RASSF8: variants seen among roughly 807,000 people sequenced by gnomAD.
The protein encoded by RASSF8 is ras association domain-containing protein 8.
A neutral mutation model predicts 48.5 loss-of-function variants in RASSF8; 22 were observed. That is an observed-to-expected ratio of 0.45 (90% CI 0.32 to 0.65). RASSF8 has a LOEUF of 0.65. Among genes scored for constraint, RASSF8 ranks in the 30% least tolerant of loss-of-function variants. The pLI, the probability that RASSF8 is intolerant of heterozygous loss-of-function variation, is 0.03. For synonymous variants in RASSF8, 127 were observed against 171.5 expected, an observed-to-expected ratio of 0.74 and a Z score of 2.03; for missense variants, 418 against 489.2, an observed-to-expected ratio of 0.85 and a Z score of 1.37.
chr12:26,048,182 T>G (rs1943413260), intron 2 of RASSF8, among the ~76,000 whole-genome samples: 1 of 152,192 alleles, frequency 6.6e-6, no homozygotes, highest in Non-Finnish European at 1.5e-5. Context: ...TTAAAAGCAC[T>G]CACTGTGCAC....
At chr12:25,983,031 T>C (rs1237251250) in intron 1 of RASSF8, among the ~76,000 whole-genome samples, 1 of 152,054 alleles carries the variant, frequency 6.6e-6, no homozygotes, top group Non-Finnish European at 1.5e-5. Flanking sequence ...CCTTGAAGAG[T>C]TTAAAAAGTT....
chr12:25,962,998 G>A lies in RASSF8; in HGVS notation c.-203+3850G>A, dbSNP rs137916694. On this transcript the variant is annotated intron_variant, in intron 1 of 5. Transcript: ENST00000689635. ...CATTAAAATAATTATTTTTTTATCA[G>A]CATAAGCTTACTGAAAGGAAAAAAA... 2.4e-4 allele frequency among the ~76,000 whole-genome samples: 36 copies of A among 151,874 alleles called. 1 individual carries two copies. The East Asian group carries it at 6.8e-3, about 29-fold the overall frequency.
chr12:25,962,222 CCAG>C (rs1941253593), intron 1 of RASSF8, among the ~76,000 whole-genome samples: 1 of 152,192 alleles, frequency 6.6e-6, no homozygotes, highest in African/African-American at 2.4e-5. Flanking sequence ...GGCCAGTTCT[CCAG>C]CAGACTAGCC....
At chr12:25,979,801 A>T (rs560058469) in intron 1 of RASSF8, among the ~76,000 whole-genome samples, 16 of 152,198 alleles carry the variant, frequency 1.1e-4, no homozygotes, top group African/African-American at 3.9e-4. Context: ...GGTGCTGTGT[A>T]AGTGTTGGGG....
chr12:25,991,227 A>G (rs770101839), intron 1 of RASSF8, among the ~76,000 whole-genome samples: 2 of 151,714 alleles, frequency 1.3e-5, no homozygotes, highest in Non-Finnish European at 2.9e-5. Context: ...TGGAAACTGG[A>G]ATTTATTTTG....
At chr12:25,985,062 G>A (rs998751877) in intron 1 of RASSF8, among the ~76,000 whole-genome samples, 1 of 152,062 alleles carries the variant, frequency 6.6e-6, no homozygotes, top group East Asian at 1.9e-4. Context: ...AGATTCACAC[G>A]CATTCTCATT....
chr12:26,076,209 C>T (rs1944070743), downstream of RASSF8, among the ~76,000 whole-genome samples: 1 of 152,030 alleles, frequency 6.6e-6, no homozygotes, highest in Non-Finnish European at 1.5e-5. Context: ...CTCTCCTGAA[C>T]ACACTCTACA....
At chr12:26,035,307 A>G (rs1943109685) in intron 2 of RASSF8, among the ~76,000 whole-genome samples, 1 of 151,104 alleles carries the variant, frequency 6.6e-6, no homozygotes, top group African/African-American at 2.4e-5. Flanking sequence ...TTCTTTAAAC[A>G]AAATGAAAGT....
At chr12:26,022,056 A>G (rs1942798916) in intron 2 of RASSF8, among the ~76,000 whole-genome samples, 1 of 152,196 alleles carries the variant, frequency 6.6e-6, no homozygotes, top group Non-Finnish European at 1.5e-5. Flanking sequence ...AACCTCAAAG[A>G]CTGGCCAAAG....
At chr12:26,058,799 C>G (rs1943673451) in intron 3 of RASSF8, among the ~76,000 whole-genome samples, 1 of 152,176 alleles carries the variant, frequency 6.6e-6, no homozygotes, top group Non-Finnish European at 1.5e-5. Flanking sequence ...AGGAAGAAAT[C>G]TTTTCTACAC....
At chr12:26,000,083 GAATA>G (rs1392463132) in intron 2 of RASSF8, among the ~76,000 whole-genome samples, 1 of 152,044 alleles carries the variant, frequency 6.6e-6, no homozygotes, top group African/African-American at 2.4e-5. Context: ...CATTTTTATA[GAATA>G]AATAAGAGCC....
At chr12:25,977,706 T>G (rs1352154120) in intron 1 of RASSF8, among the ~76,000 whole-genome samples, 1 of 151,906 alleles carries the variant, frequency 6.6e-6, no homozygotes, top group African/African-American at 2.4e-5. Context: ...TTTACAAGTA[T>G]ACTTTGATTT....
chr12:25,984,519 T>G (rs1024228521), intron 1 of RASSF8, among the ~76,000 whole-genome samples: 6 of 152,174 alleles, frequency 3.9e-5, no homozygotes, highest in Admixed American at 1.3e-4. Context: ...ATTTTTGCAT[T>G]TTTAGTAGAT....
At position 25,987,262 on chromosome 12, in the gene RASSF8, G is replaced by A. The variant is rs573532785; in HGVS notation, c.-202-7775G>A. Among the ~76,000 whole-genome samples the A allele has an allele frequency of 7.9e-5, 12 of 152,272 alleles. No individual in the cohort carries two copies. The South Asian group carries it at 1.2e-3, about 16-fold the overall frequency. ...GATTGAACTCTTGACATTTGGAGCC[G>A]TTGCTAGGCAGTGAGTGTTCATGAT... On this transcript the variant is annotated intron_variant, in intron 1 of 5. Coordinates refer to ENST00000689635, the MANE Select transcript of RASSF8 (RefSeq NM_001394098.1).
intron 2 of RASSF8, among the ~76,000 whole-genome samples, chr12:26,021,821 G>A (rs1049652353): frequency 5.3e-5 from 8 of 152,222 alleles, no homozygotes; most frequent in African/African-American, 1.9e-4. Context: ...TAAGAACAGA[G>A]AACTCCAAAA....
At chr12:26,006,382 A>C (rs1455846993) in intron 2 of RASSF8, among the ~76,000 whole-genome samples, 2 of 152,182 alleles carry the variant, frequency 1.3e-5, no homozygotes. Context: ...CAGTCTCCTT[A>C]CTTGAATATT....
chr12:26,023,948 A>G (rs1472614405), intron 2 of RASSF8, among the ~76,000 whole-genome samples: 3 of 152,198 alleles, frequency 2.0e-5, no homozygotes, highest in African/African-American at 4.8e-5. Flanking sequence ...AATGGTAAAT[A>G]AGATTAACAT....
chr12:25,965,504 G>A (rs527893243), intron 1 of RASSF8, among the ~76,000 whole-genome samples: 114 of 151,936 alleles, frequency 7.5e-4, no homozygotes, highest in African/African-American at 2.6e-3. Context: ...TGGGACTACA[G>A]GCTTGTGCCA....
intron 2 of RASSF8, among the ~76,000 whole-genome samples, chr12:26,001,026 C>A (rs1942244976): frequency 7.0e-6 from 1 of 143,252 alleles, no homozygotes; most frequent in East Asian, 2.0e-4. Context: ...TCTCTGTCAC[C>A]CAGGCTGGAG....
Sources: allele counts gnomAD v4.1 joint callset (sites outside exome capture counted in the v4.1 genomes callset), GRCh38; gene constraint gnomAD v4.1.1; transcripts MANE v1.5; gene names NCBI Gene and HGNC (gene_info 2026-07-23, HGNC 2026-07-21).